MSRA: variants seen among roughly 807,000 people sequenced by gnomAD.
MSRA encodes methionine sulfoxide reductase A, also known as mitochondrial peptide methionine sulfoxide reductase.
In MSRA, 54 loss-of-function variants were observed where a neutral mutation model predicts 31.3. That is an observed-to-expected ratio of 1.73 (90% CI 1.39 to 2.17). The LOEUF is 2.17. Among genes scored for constraint, MSRA ranks in the 30% most tolerant of loss-of-function variants. The pLI is 0.00. For missense variants in MSRA, 507 were observed against 300.9 expected (o/e 1.69, Z -5.07); for synonymous variants, 169 against 116.5 (o/e 1.45, Z -2.90).
chr8:10,338,955 T>C (rs1376862007), intron 5 of MSRA, among the ~76,000 whole-genome samples: 1 of 152,228 alleles, frequency 6.6e-6, no homozygotes, highest in Non-Finnish European at 1.5e-5. Context: ...AGAATTGGGT[T>C]GTGGGGAGCA....
chr8:10,084,552 A>T (rs890163783), intron 1 of MSRA, among the ~76,000 whole-genome samples: 3 of 152,214 alleles, frequency 2.0e-5, no homozygotes, highest in Non-Finnish European at 4.4e-5. Context: ...TTTAGTCCCA[A>T]CCCTGAAATT....
At chr8:10,379,615 A>C (rs1049413292) in intron 5 of MSRA, among the ~76,000 whole-genome samples, 1 of 151,628 alleles carries the variant, frequency 6.6e-6, no homozygotes, top group African/African-American at 2.4e-5. Context: ...CCTCCCAGAC[A>C]CTCAGCTTGG....
At chr8:10,336,820 T>C (rs530971037) in intron 5 of MSRA, 4 of 152,356 alleles carry the variant, frequency 2.6e-5, no homozygotes, top group East Asian at 1.9e-4. Flanking sequence ...TTGAACGCTC[T>C]TTATAAGCAG....
At chr8:10,199,285 C>A (rs1016213256) in intron 1 of MSRA, among the ~76,000 whole-genome samples, 1 of 152,098 alleles carries the variant, frequency 6.6e-6, no homozygotes. Context: ...TAGGCTCACC[C>A]TAGGCCGGTA....
At chr8:10,221,206 T>C (rs1025949797) in intron 2 of MSRA, among the ~76,000 whole-genome samples, 3 of 152,198 alleles carry the variant, frequency 2.0e-5, no homozygotes, top group African/African-American at 7.2e-5. Context: ...TCTGCAGTGA[T>C]GCATAAGAAA....
chr8:10,398,782 T>C (rs1339694405), intron 5 of MSRA, among the ~76,000 whole-genome samples: 4 of 152,262 alleles, frequency 2.6e-5, no homozygotes, highest in Admixed American at 6.5e-5. Flanking sequence ...ACGAGGTTTT[T>C]CATTTCTTTT....
intron 2 of MSRA, among the ~76,000 whole-genome samples, chr8:10,219,935 T>G (rs578244214): frequency 2.0e-5 from 3 of 152,184 alleles, no homozygotes; most frequent in Admixed American, 6.5e-5. Flanking sequence ...GCCAGTTCTT[T>G]TTTTTCAGGA....
In MSRA at chr8:10,213,479, C is replaced by A. The variant is rs142769491; in HGVS notation, c.211+5578C>A. ...TTTGAGACAGAGTCTTGCCCTCACC[C>A]AGGCTGGAGTGCAGTGACGCGACCT... On this transcript the variant is annotated intron_variant, in intron 2 of 5. Coordinates refer to ENST00000317173, the MANE Select transcript of MSRA (RefSeq NM_012331.5). Among the ~76,000 whole-genome samples the A allele has an allele frequency of 3.8e-3, 555 of 147,812 alleles. 2 individuals carry two copies. Among genetic ancestry groups the A allele is most frequent in the African/African-American group, 0.012 (467 of 39,408 alleles).
intron 5 of MSRA, among the ~76,000 whole-genome samples, chr8:10,323,745 C>CGTGTGTGTGTGT (rs10643873): frequency 0.078 from 11,141 of 142,546 alleles, 873 homozygotes; most frequent in East Asian, 0.38. Context: ...GAATTAAATA[C>CGTGTGTGTGTGT]GTGTGTGTGT....
At chr8:10,327,714 A>G (rs1802442380) in intron 5 of MSRA, among the ~76,000 whole-genome samples, 1 of 152,192 alleles carries the variant, frequency 6.6e-6, no homozygotes, top group African/African-American at 2.4e-5. Flanking sequence ...CAGGTGGATC[A>G]TAAGGTCAGG....
chr8:10,277,300 C>G (rs891639487), intron 3 of MSRA, among the ~76,000 whole-genome samples: 2 of 152,170 alleles, frequency 1.3e-5, no homozygotes, highest in Non-Finnish European at 2.9e-5. Flanking sequence ...GATCTTCCTT[C>G]TTTATTATCA....
At chr8:10,177,045 G>A (rs1806112216) in intron 1 of MSRA, among the ~76,000 whole-genome samples, 3 of 152,218 alleles carry the variant, frequency 2.0e-5, no homozygotes, top group Admixed American at 6.5e-5. Flanking sequence ...CTTAGAATGA[G>A]AAATGGTTCT....
intron 5 of MSRA, among the ~76,000 whole-genome samples, chr8:10,342,592 C>T (rs1289146395): frequency 6.6e-6 from 1 of 152,212 alleles, no homozygotes; most frequent in African/African-American, 2.4e-5. Flanking sequence ...CAGAGAAGCA[C>T]AGAAGTCAAA....
At chr8:10,076,735 TG>T (rs1798012456) in intron 1 of MSRA, among the ~76,000 whole-genome samples, 2 of 152,086 alleles carry the variant, frequency 1.3e-5, no homozygotes, top group African/African-American at 4.8e-5. Flanking sequence ...CTCCCGGCTC[TG>T]GGTTCTACTT....
intron 1 of MSRA, among the ~76,000 whole-genome samples, chr8:10,122,182 C>G (rs1453452554): frequency 3.9e-5 from 6 of 152,040 alleles, no homozygotes; most frequent in Non-Finnish European, 8.8e-5. Context: ...AAGATTCTCG[C>G]CATGAGAATT....
intron 1 of MSRA, among the ~76,000 whole-genome samples, chr8:10,090,985 G>A (rs547035867): frequency 5.3e-5 from 8 of 152,330 alleles, no homozygotes; most frequent in Admixed American, 1.3e-4. Flanking sequence ...CAATGATTCT[G>A]TGGGCATTTA....
intron 1 of MSRA, among the ~76,000 whole-genome samples, chr8:10,061,556 G>C (rs1289825877): frequency 6.6e-6 from 1 of 152,086 alleles, no homozygotes; most frequent in African/African-American, 2.4e-5. Flanking sequence ...TCCCCACGTA[G>C]TGAGCTCACA....
chr8:10,319,772 A>C (rs1801936172), intron 4 of MSRA, 111 bp from the exon 5 acceptor site: 1 of 495,674 alleles, frequency 2.0e-6, no homozygotes, highest in Admixed American at 4.3e-5. Flanking sequence ...GCAACACATC[A>C]GGCACAGGGA....
chr8:10,097,196 C>G (rs1049896886), intron 1 of MSRA, among the ~76,000 whole-genome samples: 3 of 152,138 alleles, frequency 2.0e-5, no homozygotes, highest in African/African-American at 7.2e-5. Flanking sequence ...TATATGAAAT[C>G]TAACAGAGGT....
Sources: gnomAD v4.1 joint callset for allele counts (sites outside exome capture counted in the v4.1 genomes callset) on GRCh38, gnomAD v4.1.1 for gene constraint, MANE v1.5 for transcripts, NCBI Gene and HGNC (gene_info 2026-07-23, HGNC 2026-07-21) for gene names.